KPTN: variants seen among roughly 807,000 people sequenced by gnomAD.
KPTN encodes KICSTOR complex protein kaptin.
A neutral mutation model predicts 52.6 loss-of-function variants in KPTN; 36 were observed. The observed-to-expected ratio is 0.68, with a 90% CI of 0.52 to 0.90. The LOEUF (loss-of-function observed/expected upper bound fraction) is 0.90, where lower values mean the gene tolerates loss of function less well. Ranked by LOEUF, KPTN falls within the 40% of genes least tolerant of loss-of-function variation. The probability of loss-of-function intolerance (pLI) is 0.00; values close to 1 mark genes in which losing one functional copy is unlikely to be tolerated. For missense variants in KPTN, 529 were observed against 576.2 expected, an observed-to-expected ratio of 0.92 and a Z score of 0.84; for synonymous variants, 271 against 248.4, an observed-to-expected ratio of 1.09 and a Z score of -0.85.
At chr19:47,485,518 G>A (rs1483205845), upstream of KPTN, among the ~76,000 whole-genome samples, 1 of 152,176 alleles carries the variant, frequency 6.6e-6, no homozygotes, top group Non-Finnish European at 1.5e-5. Context: ...CAGCTGTCCT[G>A]GACACCTCGA....
intron 11 of KPTN, among the ~76,000 whole-genome samples, 182 bp from the exon 12 acceptor site, chr19:47,475,726 T>C (rs1599866950): frequency 1.3e-5 from 2 of 152,030 alleles, no homozygotes; most frequent in East Asian, 1.9e-4. Flanking sequence ...GGGAGTGGCC[T>C]TAAGCGAATT....
chr19:47,475,796 A>G (rs1967643841), intron 11 of KPTN, among the ~76,000 whole-genome samples: 1 of 152,024 alleles, frequency 6.6e-6, no homozygotes, highest in Non-Finnish European at 1.5e-5. Flanking sequence ...GAAGGAATAT[A>G]AAAGGAATAT....
intron 8 of KPTN, among the ~76,000 whole-genome samples, chr19:47,478,567 T>TAATAAAAAAA (rs1967756403): frequency 1.5e-5 from 1 of 66,234 alleles, no homozygotes; most frequent in Non-Finnish European, 2.9e-5. Flanking sequence ...AGACTCTGTC[T>TAATAAAAAAA]AAAAAAAAAA....
Position 47,480,306 on chromosome 19 carries a change from C to G in KPTN, c.701G>C (p.Arg234Pro). Residue 234 changes from arginine (R) to proline (P), a missense_variant, in exon 7 of 12, where the codon CGG becomes CCG. Physicochemically the swap from Arg to Pro is moderately radical, Grantham distance 103. Transcript: ENST00000338134. ...CTCACCGCGGCCCTCACCTCGACTC[C>G]GCTGGTCCACGTGGGCGACACGGAC... ...GYVRVAHVDQ[R>P]SREVLQMWSV... 1 of 1,548,398 alleles carries G rather than the reference C, an allele frequency of 6.5e-7. No individual in the cohort carries two copies. The highest frequency in any genetic ancestry group is 8.7e-7 in the Non-Finnish European group (1 of 1,145,834).
rs1361824220 is a variant in KPTN at position 47,477,572 on chromosome 19, T to G, written c.863+134A>C. 3.7e-5 allele frequency: 19 copies of G among 514,284 alleles called. No individual in the cohort carries two copies. The Admixed American group carries it at 4.0e-4, about 11-fold the overall frequency. The allele number at this position is 514,284 out of a possible 1,614,324, so 31.9% of individuals were successfully genotyped here. On this transcript the variant is annotated intron_variant, in intron 9 of 11. Transcript: ENST00000338134. ...CTTCAATATTCACAGCCCCCACCCC[T>G]GGGTCACGAGTATCTGTACTTGTCC...
chr19:47,476,993 C>G, intron 9 of KPTN, 55 bp from the exon 10 acceptor site: 1 of 1,527,130 alleles, frequency 6.5e-7, no homozygotes, highest in Non-Finnish European at 8.8e-7. Flanking sequence ...TGCCCAGCAC[C>G]CTTGGCGGAT....
intron 11 of KPTN, 129 bp from the exon 12 acceptor site, chr19:47,475,673 A>C: frequency 1.8e-6 from 2 of 1,085,008 alleles, no homozygotes; most frequent in South Asian, 2.9e-5. Flanking sequence ...AGAGCAGACC[A>C]CAGTGTGTGG....
At chr19:47,485,466 ATG>A (rs773455772), upstream of KPTN, among the ~76,000 whole-genome samples, 44 of 152,186 alleles carry the variant, frequency 2.9e-4, no homozygotes, top group Admixed American at 1.5e-3. Flanking sequence ...TTTGGGTACT[ATG>A]TGCACATCTG....
chr19:47,476,649 A>G lies in KPTN; in HGVS notation c.1065T>C (p.His355=), dbSNP rs199786948. The G allele has an allele frequency of 1.2e-6, 2 of 1,612,984 alleles. No individual in the cohort carries two copies. The highest frequency in any genetic ancestry group is 2.2e-5 in the East Asian group (1 of 44,696). The change falls in exon 11 of 12, where the codon CAT becomes CAC. Residue 355 remains histidine, a synonymous_variant. Coordinates refer to ENST00000338134, the MANE Select transcript of KPTN (RefSeq NM_007059.4). ...TGGAGAAGCTCCGCTGCCACAGCAGATGGAACCCGTGCTGGGCCTCAGGAA... is the reference window on the plus strand; with the variant it reads ...TGGAGAAGCTCCGCTGCCACAGCAGGTGGAACCCGTGCTGGGCCTCAGGAA... ...SGLPEAQHGF[H]LLWQRSFSSP...
intron 6 of KPTN, 25 bp downstream of exon 6, chr19:47,480,735 T>A (rs761464070): frequency 1.2e-6 from 2 of 1,605,738 alleles, no homozygotes; most frequent in Middle Eastern, 1.7e-4. Flanking sequence ...CGGTCCCCAG[T>A]GGCCTCTTTC....
intron 8 of KPTN, among the ~76,000 whole-genome samples, chr19:47,479,451 G>T (rs1444465924): frequency 6.6e-6 from 1 of 152,198 alleles, no homozygotes; most frequent in African/African-American, 2.4e-5. Context: ...GAGTCCAGGA[G>T]CATAGCCGGG....
At chr19:47,483,792 G>T in intron 1 of KPTN, 143 bp downstream of exon 1, 1 of 1,203,744 alleles carries the variant, frequency 8.3e-7, no homozygotes, top group Non-Finnish European at 1.2e-6. Context: ...CCCCAACTAT[G>T]CCTGCCCGCT....
upstream of KPTN, among the ~76,000 whole-genome samples, chr19:47,485,034 ATAAT>A (rs1354976549): frequency 3.9e-5 from 6 of 152,118 alleles, no homozygotes; most frequent in South Asian, 4.1e-4. Flanking sequence ...CACCTTTAAA[ATAAT>A]TAATACATTC....
intron 4 of KPTN, 73 bp from the exon 5 acceptor site, chr19:47,481,106 A>G: frequency 5.7e-6 from 7 of 1,219,138 alleles, no homozygotes; most frequent in Non-Finnish European, 8.3e-6. Flanking sequence ...CTCCTCTTGC[A>G]AAAACCCCTG....
chr19:47,484,368 C>G (rs1433475963), upstream of KPTN: 2 of 607,894 alleles, frequency 3.3e-6, no homozygotes, highest in Non-Finnish European at 5.7e-6. Flanking sequence ...CGCCCGCGCT[C>G]TCTTCTCCTT....
intron 11 of KPTN, 58 bp from the exon 12 acceptor site, chr19:47,475,602 C>G: frequency 6.3e-7 from 1 of 1,592,090 alleles, no homozygotes; most frequent in South Asian, 1.1e-5. Context: ...GGGACCACAG[C>G]GGGACCGTCT....
upstream of KPTN, among the ~76,000 whole-genome samples, chr19:47,485,647 C>A (rs1010502830): frequency 6.6e-6 from 1 of 152,198 alleles, no homozygotes; most frequent in Non-Finnish European, 1.5e-5. Flanking sequence ...AAATATGTGT[C>A]AAAAATCACA....
chr19:47,479,740 G>C, intron 8 of KPTN, 123 bp downstream of exon 8: 1 of 719,422 alleles, frequency 1.4e-6, no homozygotes, highest in Non-Finnish European at 2.4e-6. Context: ...ATCCAGGAGA[G>C]AGGGACTGGG....
intron 9 of KPTN, among the ~76,000 whole-genome samples, chr19:47,477,228 G>A (rs1599869481): frequency 2.6e-5 from 4 of 152,172 alleles, no homozygotes; most frequent in African/African-American, 7.2e-5. Flanking sequence ...AGACACCCAC[G>A]CTGCCTTCGT....
Sources: gnomAD v4.1 joint callset for allele counts (sites outside exome capture counted in the v4.1 genomes callset) on GRCh38, gnomAD v4.1.1 for gene constraint, MANE v1.5 for transcripts, NCBI Gene and HGNC (gene_info 2026-07-23, HGNC 2026-07-21) for gene names.